NCOA1: variants seen among roughly 807,000 people sequenced by gnomAD.
NCOA1 encodes nuclear receptor coactivator 1, also known as Hin-2 protein.
A neutral mutation model predicts 150.9 loss-of-function variants in NCOA1; 35 were observed. The ratio of observed to expected loss-of-function variants is 0.23; its 90% CI spans 0.18 to 0.31. NCOA1 has a LOEUF of 0.31. Among genes scored for constraint, NCOA1 ranks in the 10% least tolerant of loss-of-function variants. The probability of loss-of-function intolerance (pLI) is 1.00; values close to 1 mark genes in which losing one functional copy is unlikely to be tolerated. For synonymous variants in NCOA1, 590 were observed against 630.0 expected, an observed-to-expected ratio of 0.94 and a Z score of 0.95; for missense variants, 1,491 against 1,749.3, an observed-to-expected ratio of 0.85 and a Z score of 2.63.
At chr2:24,621,828 T>C (rs988694467) in intron 3 of NCOA1, among the ~76,000 whole-genome samples, 3 of 152,088 alleles carry the variant, frequency 2.0e-5, no homozygotes, top group African/African-American at 7.2e-5. Flanking sequence ...TCCCTGTAGG[T>C]CTAATTTGTA....
Position 24,746,825 on chromosome 2 carries a change from A to G in NCOA1, c.3706+4639A>G, listed in dbSNP as rs1663944721. 2.0e-5 allele frequency among the ~76,000 whole-genome samples: 3 copies of G among 152,332 alleles called. 1 individual carries two copies. The highest frequency in any genetic ancestry group is 4.1e-4 in the South Asian group (2 of 4,832). On this transcript the variant is annotated intron_variant, in intron 19 of 22. Coordinates refer to ENST00000348332, the MANE Select transcript of NCOA1 (RefSeq NM_003743.5). ...TTTGTCCAAATCCATAGATTGTACA[A>G]TACCAAGAGTGAACCGTAATGTAAC... is the stretch of plus-strand genomic sequence containing the variant.
At chr2:24,674,130 T>TGTGTGC (rs2148521237) in intron 7 of NCOA1, among the ~76,000 whole-genome samples, 1 of 143,110 alleles carries the variant, frequency 7.0e-6, no homozygotes, top group South Asian at 2.2e-4. Context: ...TGTATGTGTG[T>TGTGTGC]GTGTGTGTGT....
At chr2:24,756,815 T>C (rs2148688757) in intron 20 of NCOA1, among the ~76,000 whole-genome samples, 1 of 152,336 alleles carries the variant, frequency 6.6e-6, no homozygotes, top group Non-Finnish European at 1.5e-5. Context: ...GTTTATTGCT[T>C]ACTATTCTAC....
intron 3 of NCOA1, among the ~76,000 whole-genome samples, chr2:24,634,358 T>C (rs1669839005): frequency 6.6e-6 from 1 of 152,220 alleles, no homozygotes; most frequent in Non-Finnish European, 1.5e-5. Flanking sequence ...TGTTGTGTTT[T>C]TCTTTATATC....
chr2:24,564,445 A>G lies in NCOA1; in HGVS notation c.-260+15A>G, dbSNP rs1214231858. On this transcript the variant is annotated intron_variant, in intron 2 of 22. Coordinates refer to ENST00000348332, the MANE Select transcript of NCOA1 (RefSeq NM_003743.5). The stretch of plus-strand genomic sequence containing the variant: ...CTTATTCTGAGGTATTTGAGACACA[A>G]TTTTACTTTAGTTTTGACTCCTTAG... The G allele has an allele frequency of 6.6e-6, 1 of 152,194 alleles. No individual in the cohort carries two copies. The highest frequency in any genetic ancestry group is 1.5e-5 in the Non-Finnish European group (1 of 68,032). The allele number at this position is 152,194 out of a possible 1,614,324, so 9.4% of individuals were successfully genotyped here. A position where few individuals can be genotyped will look rare whatever the true frequency, so the allele number is the denominator to read the frequency against.
At chr2:24,523,605 C>CAAAAAAAAAAAAAAAAAAAAAAAAAAAAA (rs979559677) in intron 1 of NCOA1, among the ~76,000 whole-genome samples, 2 of 17,704 alleles carry the variant, frequency 1.1e-4, no homozygotes, top group African/African-American at 1.5e-4. Flanking sequence ...GACTCCGTCT[C>CAAAAAAAAAAAAAAAAAAAAAAAAAAAAA]AAAAAAAAAA....
intron 3 of NCOA1, among the ~76,000 whole-genome samples, chr2:24,616,099 G>C (rs529187138): frequency 2.0e-5 from 3 of 152,090 alleles, no homozygotes; most frequent in African/African-American, 7.2e-5. Flanking sequence ...GAGTCTACAT[G>C]CTTGTTACTT....
rs1178670343 is a variant in NCOA1 at position 24,511,891 on chromosome 2, G to T, written c.-396+20289G>T. Reference sequence around the variant, plus strand: ...TTTAGTTAATTTTTCTATATGGTATGAGTTAGATCCCAATTTTTTTTTACA... The same window carrying T: ...TTTAGTTAATTTTTCTATATGGTATTAGTTAGATCCCAATTTTTTTTTACA... On this transcript the variant is annotated intron_variant, in intron 1 of 22. Transcript: ENST00000348332. Among the ~76,000 whole-genome samples, 3 of 151,906 alleles carry T rather than the reference G, an allele frequency of 2.0e-5. No individual in the cohort carries two copies. In the South Asian group the frequency reaches 6.2e-4, roughly 32 times the overall value.
At chr2:24,668,903 A>G (rs1269023350) in intron 6 of NCOA1, among the ~76,000 whole-genome samples, 1 of 152,206 alleles carries the variant, frequency 6.6e-6, no homozygotes, top group African/African-American at 2.4e-5. Context: ...ACTATACGTA[A>G]GATCTGAAAC....
At chr2:24,522,119 C>G (rs1286473510) in intron 1 of NCOA1, among the ~76,000 whole-genome samples, 1 of 152,192 alleles carries the variant, frequency 6.6e-6, no homozygotes, top group African/African-American at 2.4e-5. Context: ...ATAGTAGCCT[C>G]TCATTACATC....
chr2:24,642,483 A>G (rs1353198300), intron 3 of NCOA1, among the ~76,000 whole-genome samples: 3 of 151,896 alleles, frequency 2.0e-5, no homozygotes, highest in Non-Finnish European at 4.4e-5. Context: ...TTGCATGTTT[A>G]GTAATTTTTT....
chr2:24,636,323 TTTTG>T (rs1415320694), intron 3 of NCOA1, among the ~76,000 whole-genome samples: 1 of 152,148 alleles, frequency 6.6e-6, no homozygotes, highest in African/African-American at 2.4e-5. Context: ...TTCCAAAGTA[TTTTG>T]TTTTTGATGC....
intron 8 of NCOA1, among the ~76,000 whole-genome samples, chr2:24,688,410 A>T (rs1211707755): frequency 6.6e-6 from 1 of 152,172 alleles, no homozygotes; most frequent in East Asian, 1.9e-4. Context: ...CCTTGCCAGC[A>T]TCTGTTATTT....
At chr2:24,652,455 A>C (rs1232486570) in intron 4 of NCOA1, among the ~76,000 whole-genome samples, 1 of 152,110 alleles carries the variant, frequency 6.6e-6, no homozygotes, top group Non-Finnish European at 1.5e-5. Flanking sequence ...TTCTCACTAT[A>C]TATAAATGCT....
chr2:24,655,834 A>T (rs1225589098), intron 4 of NCOA1, among the ~76,000 whole-genome samples: 2 of 151,838 alleles, frequency 1.3e-5, no homozygotes, highest in African/African-American at 2.4e-5. Flanking sequence ...CACGCCTGTA[A>T]TCCCAGCACT....
At chr2:24,649,455 G>A (rs902261124) in intron 4 of NCOA1, among the ~76,000 whole-genome samples, 3 of 152,212 alleles carry the variant, frequency 2.0e-5, no homozygotes, top group Non-Finnish European at 4.4e-5. Context: ...GATTTTGGAA[G>A]ACATGTGCAG....
intron 9 of NCOA1, 130 bp from the exon 10 acceptor site, chr2:24,693,122 G>T: frequency 1.3e-6 from 1 of 797,492 alleles, no homozygotes. Context: ...CCAAAGTGCT[G>T]GGATTACAGG....
intron 3 of NCOA1, among the ~76,000 whole-genome samples, chr2:24,593,209 A>C (rs1261535759): frequency 6.6e-6 from 1 of 152,166 alleles, no homozygotes; most frequent in African/African-American, 2.4e-5. Flanking sequence ...GACGGATGGC[A>C]CTATTGAGAA....
intron 4 of NCOA1, among the ~76,000 whole-genome samples, chr2:24,651,140 TA>T (rs1670693263): frequency 9.2e-5 from 14 of 152,034 alleles, no homozygotes; most frequent in Non-Finnish European, 1.5e-5. Flanking sequence ...ACAGTATAGA[TA>T]CTCCTAAGGA....
Sources: allele counts gnomAD v4.1 joint callset (sites outside exome capture counted in the v4.1 genomes callset), GRCh38; gene constraint gnomAD v4.1.1; transcripts MANE v1.5; gene names NCBI Gene and HGNC (gene_info 2026-07-23, HGNC 2026-07-21).